The following DENND2B variants were observed in gnomAD, a reference collection of about 807,000 sequenced individuals.
DENND2B encodes the protein DENN domain-containing protein 2B.
Under a neutral mutation model 116.0 loss-of-function variants are expected in DENND2B, and 32 were observed. That is an observed-to-expected ratio of 0.28 (90% CI 0.21 to 0.37). The LOEUF is 0.37. Among genes scored for constraint, DENND2B ranks in the 10% least tolerant of loss-of-function variants. DENND2B has a pLI of 1.00. For synonymous variants in DENND2B, 588 were observed against 583.9 expected, an observed-to-expected ratio of 1.01 and a Z score of -0.10; for missense variants, 1,276 against 1,477.7, an observed-to-expected ratio of 0.86 and a Z score of 2.24.
intron 4 of DENND2B, among the ~76,000 whole-genome samples, chr11:8,821,998 C>T (rs1594107280): frequency 6.6e-6 from 1 of 152,050 alleles, no homozygotes; most frequent in Non-Finnish European, 1.5e-5. Context: ...TGCCATGTTG[C>T]CCAGGCTGGT....
chr11:8,717,780 C>A lies in DENND2B; in HGVS notation c.1590G>T (p.Trp530Cys). 6.2e-7 allele frequency: 1 copy of A among 1,607,190 alleles called. No homozygotes were observed. Among genetic ancestry groups the A allele is most frequent in the Non-Finnish European group, 8.5e-7 (1 of 1,175,408 alleles). ...TGTTGTACTTCCTGTCCTGAGGACTCCACATCCTGTGCAAAGAGTCCAAGG... is the reference window on the plus strand; with the variant it reads ...TGTTGTACTTCCTGTCCTGAGGACTACACATCCTGTGCAAAGAGTCCAAGG... ...ENSLDSLHRM[W>C]SPQDRKYNSP... is the part of the protein sequence containing the mutation. Residue 530 changes from tryptophan to cysteine, a missense_variant, in exon 5 of 20, where the codon TGG becomes TGT. Coordinates refer to ENST00000313726, the MANE Select transcript of DENND2B (RefSeq NM_213618.2).
chr11:8,870,580 G>T (rs1022231482), intron 2 of DENND2B, among the ~76,000 whole-genome samples: 1 of 150,762 alleles, frequency 6.6e-6, no homozygotes, highest in Non-Finnish European at 1.5e-5. Flanking sequence ...AACAGCTCCA[G>T]GTAGGAGCTC....
At chr11:8,716,465 A>G in intron 5 of DENND2B, among the ~76,000 whole-genome samples, 1 of 152,064 alleles carries the variant, frequency 6.6e-6, no homozygotes, top group Non-Finnish European at 1.5e-5. Context: ...CTTGTCGCGG[A>G]CCCTGTCAGG....
At chr11:8,813,820 ACAAAGGAAGGGCCC>A (rs1169728888), upstream of DENND2B, among the ~76,000 whole-genome samples, 1 of 152,132 alleles carries the variant, frequency 6.6e-6, no homozygotes, top group Non-Finnish European at 1.5e-5. Flanking sequence ...GGGGGAAGGG[ACAAAGGAAGGGCCC>A]CATTACTGAG....
intron 1 of DENND2B, among the ~76,000 whole-genome samples, chr11:8,806,590 C>T (rs915818648): frequency 4.4e-3 from 103 of 23,570 alleles, no homozygotes; most frequent in Non-Finnish European, 7.7e-3. Context: ...ATTTAACACC[C>T]TCCTCTCCCT....
intron 1 of DENND2B, among the ~76,000 whole-genome samples, chr11:8,761,239 G>T (rs1166025902): frequency 6.6e-6 from 1 of 152,192 alleles, no homozygotes; most frequent in Non-Finnish European, 1.5e-5. Context: ...TAAAAACCTA[G>T]ACATGGCTGT....
In DENND2B at chr11:8,729,973, A is replaced by C. The variant is rs2047823652; in HGVS notation, c.1317T>G (p.Arg439=). Residue 439 remains arginine, a synonymous_variant, in exon 3 of 20, where the codon CGT becomes CGG. Coordinates refer to ENST00000313726, the MANE Select transcript of DENND2B (RefSeq NM_213618.2). ...PVTRRPKKDM[R]GHRKSQSRKS... is the part of the protein sequence containing the mutation. Reference sequence around the variant, plus strand: ...ACCTGCTCTGGGACTTGCGGTGACCACGCATGTCCTTCTTGGGTCTCCGGG... The same window carrying C: ...ACCTGCTCTGGGACTTGCGGTGACCCCGCATGTCCTTCTTGGGTCTCCGGG... The C allele has an allele frequency of 1.2e-6, 2 of 1,613,976 alleles. No homozygotes were observed. The highest frequency in any genetic ancestry group is 2.7e-5 in the African/African-American group (2 of 74,910).
intron 4 of DENND2B, chr11:8,718,201 C>G: frequency 1.3e-6 from 1 of 784,304 alleles, no homozygotes; most frequent in South Asian, 1.5e-5. Context: ...CCTGCCTGTG[C>G]CCAGCCAGAG....
rs188313219 is a variant in DENND2B, at chr11:8,720,222, T to C, written c.1478-2330A>G. On this transcript the variant is annotated intron_variant, in intron 4 of 19. Transcript: ENST00000313726. ...CTTCCAATGGCTTCTGAGTGTGACA[T>C]GAGTCCCAAGACTAGCCCTCTTTTT... Among the ~76,000 whole-genome samples, 519 of 152,294 alleles carry C rather than the reference T, an allele frequency of 3.4e-3. 2 individuals are homozygous for C. The highest frequency in any genetic ancestry group is 5.1e-3 in the Non-Finnish European group (350 of 68,010).
At chr11:8,716,857 G>A (rs1434491971) in intron 5 of DENND2B, among the ~76,000 whole-genome samples, 1 of 152,126 alleles carries the variant, frequency 6.6e-6, no homozygotes, top group Non-Finnish European at 1.5e-5. Context: ...TGGCCAGGCT[G>A]GTCTTGAACT....
chr11:8,877,023 C>T (rs1451012066), intron 2 of DENND2B, among the ~76,000 whole-genome samples: 1 of 151,502 alleles, frequency 6.6e-6, no homozygotes, highest in Non-Finnish European at 1.5e-5. Flanking sequence ...CAGAAAGGCT[C>T]ATCCAACCTG....
chr11:8,851,998 G>A (rs996844887), intron 3 of DENND2B, among the ~76,000 whole-genome samples: 5 of 152,142 alleles, frequency 3.3e-5, no homozygotes, highest in African/African-American at 1.2e-4. Context: ...GCCACCAGTA[G>A]AGGAGAAAAA....
At chr11:8,883,753 ACTACT>A (rs2063928549) in intron 1 of DENND2B, among the ~76,000 whole-genome samples, 1 of 152,240 alleles carries the variant, frequency 6.6e-6, no homozygotes, top group African/African-American at 2.4e-5. Flanking sequence ...CTACATAATC[ACTACT>A]GTAATGAGCA....
Position 8,729,938 on chromosome 11 carries a change from G to T in DENND2B, c.1340+12C>A, listed in dbSNP as rs922197823. Reference sequence around the variant, plus strand: ...GTATTCAGCTACAACACACCGGAGGGGCATGCATTACCTGCTCTGGGACTT... The same window carrying T: ...GTATTCAGCTACAACACACCGGAGGTGCATGCATTACCTGCTCTGGGACTT... On this transcript the variant is annotated intron_variant, in intron 3 of 19. Transcript: ENST00000313726. The T allele has an allele frequency of 1.1e-5, 18 of 1,613,000 alleles. No homozygotes were observed. Among genetic ancestry groups the T allele is most frequent in the Non-Finnish European group, 1.5e-5 (18 of 1,179,486 alleles).
At chr11:8,752,428 G>T (rs2052695434) in intron 1 of DENND2B, among the ~76,000 whole-genome samples, 1 of 151,254 alleles carries the variant, frequency 6.6e-6, no homozygotes, top group African/African-American at 2.4e-5. Flanking sequence ...CTCCAGCCTG[G>T]GTGACAGGGC....
chr11:8,704,759 G>A (rs1341488770), intron 13 of DENND2B, among the ~76,000 whole-genome samples: 3 of 152,100 alleles, frequency 2.0e-5, no homozygotes, highest in Admixed American at 6.5e-5. Context: ...GTGCAGTGGC[G>A]CAATCTTGAC....
At chr11:8,853,438 G>A (rs1169158491) in intron 3 of DENND2B, among the ~76,000 whole-genome samples, 4 of 152,164 alleles carry the variant, frequency 2.6e-5, no homozygotes, top group Non-Finnish European at 5.9e-5. Flanking sequence ...TGAGGACACA[G>A]CCAGAAGGTC....
chr11:8,874,819 A>C (rs1031003224), upstream of DENND2B, among the ~76,000 whole-genome samples: 5 of 151,744 alleles, frequency 3.3e-5, no homozygotes, highest in Non-Finnish European at 7.4e-5. Context: ...CAGCTACTCA[A>C]GACATTGAGG....
chr11:8,716,463 G>A (rs928212823), intron 5 of DENND2B, among the ~76,000 whole-genome samples: 6 of 152,052 alleles, frequency 3.9e-5, no homozygotes, highest in African/African-American at 1.5e-4. Flanking sequence ...TCCTTGTCGC[G>A]GACCCTGTCA....
Sources: allele counts gnomAD v4.1 joint callset (sites outside exome capture counted in the v4.1 genomes callset), GRCh38; gene constraint gnomAD v4.1.1; transcripts MANE v1.5; gene names NCBI Gene and HGNC (gene_info 2026-07-23, HGNC 2026-07-21).